PDE10A: variants seen among roughly 807,000 people sequenced by gnomAD.
PDE10A encodes the protein cAMP and cAMP-inhibited cGMP 3',5'-cyclic phosphodiesterase 10A.
PDE10A carries 39 observed loss-of-function variants against 97.7 expected under a neutral mutation model. That is an observed-to-expected ratio of 0.40 (90% confidence interval 0.31 to 0.52). The LOEUF (loss-of-function observed/expected upper bound fraction) is 0.52. Ranked by LOEUF, PDE10A falls within the 20% of genes least tolerant of loss-of-function variation. PDE10A has a pLI of 0.56. For missense variants in PDE10A, 731 were observed against 1,047.8 expected, an observed-to-expected ratio of 0.70 and a Z score of 4.17; for synonymous variants, 371 against 376.8, an observed-to-expected ratio of 0.98 and a Z score of 0.18.
chr6:165,870,684 C>A (rs1041042141), intron 1 of PDE10A, among the ~76,000 whole-genome samples: 3 of 151,948 alleles, frequency 2.0e-5, no homozygotes, highest in Non-Finnish European at 4.4e-5. Context: ...CTCACAATAG[C>A]CAAGATATGG....
At chr6:165,646,114 A>C (rs1426973230) in intron 1 of PDE10A, among the ~76,000 whole-genome samples, 2 of 152,198 alleles carry the variant, frequency 1.3e-5, no homozygotes, top group African/African-American at 4.8e-5. Context: ...CCACGGCAGC[A>C]TCAGGAACGC....
intron 1 of PDE10A, among the ~76,000 whole-genome samples, chr6:165,814,144 A>G (rs912512441): frequency 6.6e-6 from 1 of 152,206 alleles, no homozygotes. Context: ...CACATTCTGA[A>G]TTTGGAAACA....
In PDE10A at chr6:165,492,959, C is replaced by T. The variant is rs190368701; in HGVS notation, c.995-10616G>A. ...ACCCTAAAGACTCATCCAAAAAGCT[C>T]CTAAAACTGGTAAACGAATTCAGCA... On this transcript the variant is annotated intron_variant, in intron 2 of 21. Coordinates refer to ENST00000539869, the MANE Select transcript of PDE10A (RefSeq NM_001385079.1). Among the ~76,000 whole-genome samples the T allele has an allele frequency of 7.8e-4, 118 of 152,198 alleles. 2 individuals are homozygous for T. The Middle Eastern group carries it at 0.014, about 18-fold the overall frequency.
At chr6:165,778,897 T>A (rs1778269446) in intron 1 of PDE10A, among the ~76,000 whole-genome samples, 1 of 152,164 alleles carries the variant, frequency 6.6e-6, no homozygotes, top group South Asian at 2.1e-4. Flanking sequence ...ATTTTAAGAG[T>A]CCTTTATGTA....
In PDE10A at chr6:165,488,751, G is replaced by A. The variant is rs530314543; in HGVS notation, c.995-6408C>T. Among the ~76,000 whole-genome samples the A allele has an allele frequency of 3.3e-5, 5 of 152,242 alleles. No individual in the cohort carries two copies. In the East Asian group the frequency reaches 9.7e-4, roughly 30 times the overall value. The stretch of plus-strand genomic sequence containing the variant: ...GGAAATAAACTCAGTGTGTTGCGGG[G>A]CATGGTGGGTGTGAGCTGCAGGCTC... On this transcript the variant is annotated intron_variant, in intron 2 of 21. Transcript: ENST00000539869.
chr6:165,424,096 A>G (rs1018637334), intron 10 of PDE10A, among the ~76,000 whole-genome samples: 1 of 151,980 alleles, frequency 6.6e-6, no homozygotes, highest in Admixed American at 6.6e-5. Flanking sequence ...CTGTTCCCCC[A>G]TCCCCCAAAG....
intron 1 of PDE10A, among the ~76,000 whole-genome samples, chr6:165,564,389 G>T (rs1047393618): frequency 6.6e-6 from 1 of 152,152 alleles, no homozygotes; most frequent in African/African-American, 2.4e-5. Flanking sequence ...GATAAGACCC[G>T]TTTTGACAAT....
At chr6:165,648,515 G>A (rs1356457409) in intron 1 of PDE10A, among the ~76,000 whole-genome samples, 1 of 151,934 alleles carries the variant, frequency 6.6e-6, no homozygotes, top group African/African-American at 2.4e-5. Context: ...TTTGGAAAAC[G>A]TTTAGGTCAC....
upstream of PDE10A, among the ~76,000 whole-genome samples, chr6:165,667,679 C>T (rs147855857): frequency 1.2e-3 from 177 of 148,124 alleles, no homozygotes; most frequent in African/African-American, 4.0e-3. Flanking sequence ...ATGACAGAAA[C>T]GTGTGTTTCT....
At chr6:165,754,579 T>C (rs1367069552) in intron 1 of PDE10A, among the ~76,000 whole-genome samples, 3 of 152,046 alleles carry the variant, frequency 2.0e-5, no homozygotes, top group East Asian at 1.9e-4. Context: ...TATATATATA[T>C]ATGTGTGTGT....
chr6:165,784,624 C>A (rs1778446692), intron 1 of PDE10A, among the ~76,000 whole-genome samples: 1 of 152,210 alleles, frequency 6.6e-6, no homozygotes, highest in African/African-American at 2.4e-5. Flanking sequence ...CAGCCGGCAT[C>A]TCTGATCACT....
At chr6:165,691,106 T>TCCGCC (rs1554305964) in intron 1 of PDE10A, among the ~76,000 whole-genome samples, 6 of 39,130 alleles carry the variant, frequency 1.5e-4, no homozygotes, top group African/African-American at 6.7e-4. Flanking sequence ...TCTTTCTCTC[T>TCCGCC]CCCCCCCCCC....
intron 5 of PDE10A, among the ~76,000 whole-genome samples, chr6:165,443,111 CAAA>C (rs149435215): frequency 4.1e-4 from 25 of 60,394 alleles, no homozygotes; most frequent in African/African-American, 1.3e-3. Context: ...GGCTCTGTCT[CAAA>C]AAAAAAAAAA....
intron 1 of PDE10A, among the ~76,000 whole-genome samples, chr6:165,727,203 G>C (rs556136828): frequency 6.6e-6 from 1 of 152,322 alleles, no homozygotes; most frequent in Non-Finnish European, 1.5e-5. Flanking sequence ...CGTGCTTAGT[G>C]ACTCAGGACG....
chr6:165,398,846 ATGTGAATGG>A (rs1786401820), intron 13 of PDE10A, among the ~76,000 whole-genome samples: 1 of 152,198 alleles, frequency 6.6e-6, no homozygotes, highest in Non-Finnish European at 1.5e-5. Context: ...TAAACGTAAA[ATGTGAATGG>A]TCTAAACATC....
chr6:165,518,479 T>C (rs967312243), intron 2 of PDE10A, among the ~76,000 whole-genome samples: 2 of 152,212 alleles, frequency 1.3e-5, no homozygotes, highest in African/African-American at 4.8e-5. Context: ...ACGCTGCAGA[T>C]GCTCCTGACC....
At chr6:165,465,431 T>C (rs1778582996) in intron 3 of PDE10A, among the ~76,000 whole-genome samples, 1 of 152,242 alleles carries the variant, frequency 6.6e-6, no homozygotes, top group African/African-American at 2.4e-5. Context: ...CCACCTTCAC[T>C]TGTTCTACAG....
At chr6:165,581,637 G>A (rs556824944) in intron 1 of PDE10A, among the ~76,000 whole-genome samples, 1 of 152,320 alleles carries the variant, frequency 6.6e-6, no homozygotes, top group South Asian at 2.1e-4. Flanking sequence ...AGATGCATAA[G>A]CATTTTGCTT....
rs190219287 is a variant in PDE10A, at chr6:165,430,365, G to C, written c.1543-20C>G. 1,111 of 1,486,188 alleles carry C rather than the reference G, an allele frequency of 7.5e-4. 11 individuals are homozygous for C. In the African/African-American group the frequency reaches 0.014, roughly 19 times the overall value. The allele number at this position is 1,486,188 out of a possible 1,614,324, so 92.1% of individuals were successfully genotyped here. ...GCATACCTACCATATAAAATAATAGGTACAATTACAAGAGATTTCTGCTTA... is the reference window on the plus strand; with the variant it reads ...GCATACCTACCATATAAAATAATAGCTACAATTACAAGAGATTTCTGCTTA... On this transcript the variant is annotated intron_variant, in intron 8 of 21. Coordinates refer to ENST00000539869, the MANE Select transcript of PDE10A (RefSeq NM_001385079.1).
Sources: gnomAD v4.1 joint callset for allele counts (sites outside exome capture counted in the v4.1 genomes callset) on GRCh38, gnomAD v4.1.1 for gene constraint, MANE v1.5 for transcripts, NCBI Gene and HGNC (gene_info 2026-07-23, HGNC 2026-07-21) for gene names.